Variants in PTCD3 observed in about 807,000 individuals in gnomAD.
PTCD3 encodes the protein pentatricopeptide repeat domain 3, also known as small ribosomal subunit protein mS39.
A neutral mutation model predicts 101.9 loss-of-function variants in PTCD3; 89 were observed. The ratio of observed to expected loss-of-function variants is 0.87; its 90% CI spans 0.74 to 1.04. The LOEUF (loss-of-function observed/expected upper bound fraction) is 1.04. Among genes scored for constraint, PTCD3 ranks in the 50% least tolerant of loss-of-function variants. The pLI is 0.00. For missense variants in PTCD3, 870 were observed against 828.2 expected (o/e 1.05, Z -0.62); for synonymous variants, 296 against 278.5 (o/e 1.06, Z -0.63).
chr2:86,125,818 T>G lies in PTCD3; in HGVS notation c.889T>G (p.Leu297Val). 6.2e-7 allele frequency: 1 copy of G among 1,608,808 alleles called. No homozygotes were observed. Residue 297 changes from leucine (L) to valine (V), a missense_variant, in exon 12 of 24, where the codon TTG (leucine) becomes GTG (valine). Leu to Val is a conservative substitution (Grantham distance 32). Transcript: ENST00000254630. ...LHADVYTFNA[L>V]IEATVCAINE... ...AGCTGATGTATACACATTTAATGCA[T>G]TGATTGAAGCAACAGTATGTGCGAT...
chr2:86,106,892 C>G (rs2104444057), intron 1 of PTCD3, among the ~76,000 whole-genome samples: 1 of 152,024 alleles, frequency 6.6e-6, no homozygotes, highest in African/African-American at 2.4e-5. Flanking sequence ...TTTTTTTTCA[C>G]TCAGTACAAA....
At chr2:86,123,355 G>GTT (rs1397414869) in intron 8 of PTCD3, among the ~76,000 whole-genome samples, 1 of 151,968 alleles carries the variant, frequency 6.6e-6, no homozygotes, top group East Asian at 1.9e-4. Context: ...AATTATGACA[G>GTT]TTTATCTGTA....
chr2:86,134,095 G>A (rs890438014), intron 19 of PTCD3, among the ~76,000 whole-genome samples, 197 bp from the exon 20 acceptor site: 14 of 152,204 alleles, frequency 9.2e-5, no homozygotes, highest in African/African-American at 2.7e-4. Flanking sequence ...TGATGAACAC[G>A]TCACTGGAGC....
intron 22 of PTCD3, 156 bp downstream of exon 22, chr2:86,136,718 T>C: frequency 2.2e-6 from 2 of 923,972 alleles, no homozygotes; most frequent in Non-Finnish European, 3.4e-6. Context: ...GGCAAGCAGT[T>C]TTTTATCTGT....
chr2:86,116,736 C>T, intron 5 of PTCD3, 138 bp downstream of exon 5: 1 of 695,616 alleles, frequency 1.4e-6, no homozygotes. Flanking sequence ...TCCTTTACTA[C>T]TTTCTTCAAA....
rs767155437 is a variant in PTCD3 at position 86,123,773 on chromosome 2, C to T, written c.716+11C>T. Reference sequence around the variant, plus strand: ...TGGAGTTACATGGCGGTATGTCACACGTAATTAGAACCTTGAATTACAGTG... The same window carrying T: ...TGGAGTTACATGGCGGTATGTCACATGTAATTAGAACCTTGAATTACAGTG... On this transcript the variant is annotated intron_variant, in intron 9 of 23. Coordinates refer to ENST00000254630, the MANE Select transcript of PTCD3 (RefSeq NM_017952.6). 4.4e-6 allele frequency: 7 copies of T among 1,581,848 alleles called. 1 individual carries two copies. Among genetic ancestry groups the T allele is most frequent in the East Asian group, 2.3e-5 (1 of 44,260 alleles).
chr2:86,137,073 A>G lies in PTCD3; in HGVS notation c.1912A>G (p.Ser638Gly), dbSNP rs1674599399. 6.2e-7 allele frequency: 1 copy of G among 1,613,010 alleles called. No individual in the cohort carries two copies. The highest frequency in any genetic ancestry group is 1.7e-5 in the Admixed American group (1 of 59,714). Residue 638 changes from serine (S) to glycine (G), a missense_variant, in exon 23 of 24, where the codon AGC becomes GGC. Coordinates refer to ENST00000254630, the MANE Select transcript of PTCD3 (RefSeq NM_017952.6). ...AGTAGTAGAGCTGGCAAGTGCCTTC[A>G]GCTTACCTATTTGTGAGGGCCTCAC... is the stretch of plus-strand genomic sequence containing the variant. ...IEVVELASAF[S>G]LPICEGLTQR...
chr2:86,108,586 G>A lies in PTCD3; in HGVS notation c.194+50G>A, dbSNP rs933032282. On this transcript the variant is annotated intron_variant, in intron 3 of 23. Coordinates refer to ENST00000254630, the MANE Select transcript of PTCD3 (RefSeq NM_017952.6). ...CAGCAAATGGTTGAGTGCTTACTAT[G>A]AGAGAAGTGTAAGGGTTAGGTAAGG... 3.3e-6 allele frequency: 5 copies of A among 1,523,346 alleles called. No individual in the cohort carries two copies. In the Admixed American group the frequency reaches 6.1e-5, roughly 19 times the overall value. The allele number at this position is 1,523,346 out of a possible 1,614,324, so 94.4% of individuals were successfully genotyped here.
chr2:86,130,646 A>G lies in PTCD3; in HGVS notation c.1148-2A>G, dbSNP rs776660221. On this transcript the variant is annotated splice_acceptor_variant, in intron 14 of 23. Coordinates refer to ENST00000254630, the MANE Select transcript of PTCD3 (RefSeq NM_017952.6). LOFTEE classifies it high-confidence loss of function. ...AAACACATTTGCTTTCTTGTTCTGC[A>G]GGAGACCCTTTAAAGAGATCATCCT... 24 of 1,608,628 alleles carry G rather than the reference A, an allele frequency of 1.5e-5. No individual in the cohort carries two copies. The highest frequency in any genetic ancestry group is 2.0e-5 in the Non-Finnish European group (24 of 1,177,672).
chr2:86,108,876 C>A, intron 3 of PTCD3: 1 of 230,786 alleles, frequency 4.3e-6, no homozygotes, highest in Non-Finnish European at 8.3e-6. Context: ...CAAGAGCAGA[C>A]AGTTACTGTC....
chr2:86,136,388 G>A (rs1421630730), intron 21 of PTCD3, 133 bp from the exon 22 acceptor site: 1 of 839,356 alleles, frequency 1.2e-6, no homozygotes, highest in Non-Finnish European at 1.9e-6. Context: ...GCCCACAGAT[G>A]TGTGTCTTTG....
At chr2:86,127,388 A>G (rs1674415808) in intron 13 of PTCD3, 83 bp downstream of exon 13, 4 of 1,430,166 alleles carry the variant, frequency 2.8e-6, no homozygotes, top group East Asian at 4.6e-5. Flanking sequence ...AGAGCTTTAA[A>G]TTATTCTTGT....
intron 9 of PTCD3, 23 bp downstream of exon 9, chr2:86,123,785 C>T (rs373465284): frequency 2.9e-5 from 45 of 1,551,098 alleles, no homozygotes; most frequent in Non-Finnish European, 3.7e-5. Context: ...TAATTAGAAC[C>T]TTGAATTACA....
Position 86,139,061 on chromosome 2 carries a change from T to C in PTCD3, c.*1502T>C, listed in dbSNP as rs1206920345. On this transcript the variant is annotated 3_prime_UTR_variant, in exon 24 of 24. Transcript: ENST00000254630. ...TGAGTGATTTGTTAGCTTGGTACTTTTAAGTTTGTGGTACAGATCCTCCAA... is the reference window on the plus strand; with the variant it reads ...TGAGTGATTTGTTAGCTTGGTACTTCTAAGTTTGTGGTACAGATCCTCCAA... 1 of 152,236 alleles carries C rather than the reference T, an allele frequency of 6.6e-6. No homozygotes were observed. Among genetic ancestry groups the C allele is most frequent in the Non-Finnish European group, 1.5e-5 (1 of 68,050 alleles). The allele number at this position is 152,236 out of a possible 1,614,324, so 9.4% of individuals were successfully genotyped here. A position where few individuals can be genotyped will look rare whatever the true frequency, so the allele number is the denominator to read the frequency against.
chr2:86,108,247 A>C, intron 1 of PTCD3, 103 bp from the exon 2 acceptor site: 2 of 1,301,518 alleles, frequency 1.5e-6, no homozygotes, highest in African/African-American at 1.5e-5. Context: ...ATCCAGTTTA[A>C]TCCGTGATAA....
At chr2:86,119,885 G>T (rs1200350693) in intron 7 of PTCD3, among the ~76,000 whole-genome samples, 2 of 152,278 alleles carry the variant, frequency 1.3e-5, no homozygotes, top group East Asian at 3.9e-4. Flanking sequence ...AGCTACACAC[G>T]TAAATAGCAC....
chr2:86,120,682 C>T (rs761636399), intron 7 of PTCD3, among the ~76,000 whole-genome samples: 7 of 152,118 alleles, frequency 4.6e-5, no homozygotes, highest in Non-Finnish European at 8.8e-5. Context: ...ATTGCTTGAG[C>T]CCAGGAGTTC....
rs1278320966 is a variant in PTCD3, at chr2:86,140,128, G to C, written c.*2569G>C. 1 of 150,834 alleles carries C rather than the reference G, an allele frequency of 6.6e-6. No homozygotes were observed. The highest frequency in any genetic ancestry group is 1.5e-5 in the Non-Finnish European group (1 of 67,942). The allele number at this position is 150,834 out of a possible 1,614,324, so 9.3% of individuals were successfully genotyped here. A position where few individuals can be genotyped will look rare whatever the true frequency, so the allele number is the denominator to read the frequency against. ...TTGATTTTGAGACCTTAGTCATGTT[G>C]CTACTAAAAGTAGGGCATATGACCG... On this transcript the variant is annotated 3_prime_UTR_variant, in exon 24 of 24. Coordinates refer to ENST00000254630, the MANE Select transcript of PTCD3 (RefSeq NM_017952.6).
rs1351026052 is a variant in PTCD3 at position 86,108,372 on chromosome 2, C to A, written c.127C>A (p.Leu43Ile). The A allele has an allele frequency of 6.2e-7, 1 of 1,608,744 alleles. No individual in the cohort carries two copies. The highest frequency in any genetic ancestry group is 1.1e-5 in the South Asian group (1 of 89,908). ...SCRFYSGSAT[L>I]SKVEGTDVTG... Reference sequence around the variant, plus strand: ...CAGATTTTATTCTGGTAGTGCAACCCTCTCAAAGGTTGAAGGAACTGATGT... The same window carrying A: ...CAGATTTTATTCTGGTAGTGCAACCATCTCAAAGGTTGAAGGAACTGATGT... The change falls in exon 2 of 24, where the codon CTC (leucine) becomes ATC (isoleucine). Residue 43 changes from leucine (L) to isoleucine (I), a missense_variant. Physicochemically the swap from Leu to Ile is conservative, Grantham distance 5. Coordinates refer to ENST00000254630, the MANE Select transcript of PTCD3 (RefSeq NM_017952.6).
Sources: allele counts gnomAD v4.1 joint callset (sites outside exome capture counted in the v4.1 genomes callset), GRCh38; gene constraint gnomAD v4.1.1; transcripts MANE v1.5; gene names NCBI Gene and HGNC (gene_info 2026-07-23, HGNC 2026-07-21).